MED12: variants seen among roughly 807,000 people sequenced by gnomAD.
The protein encoded by MED12 is mediator complex subunit 12.
A neutral mutation model predicts 177.7 loss-of-function variants in MED12; 10 were observed. The observed-to-expected ratio is 0.06, with a 90% CI of 0.03 to 0.10. The LOEUF (loss-of-function observed/expected upper bound fraction) is 0.10. Ranked by LOEUF, MED12 falls within the 10% of genes least tolerant of loss-of-function variation. The probability of loss-of-function intolerance (pLI) is 1.00; values close to 1 mark genes in which losing one functional copy is unlikely to be tolerated. For synonymous variants in MED12, 641 were observed against 678.4 expected, an observed-to-expected ratio of 0.94 and a Z score of 0.86; for missense variants, 867 against 1,780.8, an observed-to-expected ratio of 0.49 and a Z score of 9.23.
chrX:71,140,816 CAGT>C lies in MED12; in HGVS notation c.6228_6230del (p.Gln2076_Tyr2077delinsHis). ...ACAGCAACAGCAGCAGCAGCAGCAG[CAGT>C]ACCACATCCGGCAGCAGCAGCAGCA... On this transcript the variant is annotated inframe_deletion, in exon 42 of 45. Transcript: ENST00000374080. The C allele has an allele frequency of 8.3e-7, 1 of 1,205,572 alleles. No individual in the cohort carries two copies.
In MED12 at chrX:71,141,023, G is replaced by A. The variant is rs1247198443; in HGVS notation, c.6267+166G>A. 1.8e-5 allele frequency among the ~76,000 whole-genome samples: 2 copies of A among 109,787 alleles called. No homozygotes were observed. The highest frequency in any genetic ancestry group is 5.7e-4 in the East Asian group (2 of 3,489). On this transcript the variant is annotated intron_variant, in intron 42 of 44. Coordinates refer to ENST00000374080, the MANE Select transcript of MED12 (RefSeq NM_005120.3). ...GAAGTTTTCTACCCTCCCCCTTTTT[G>A]TTTTCTGGGGATCATAGTGGGAGAG...
At position 71,127,487 on chromosome X, in the gene MED12, AGG is replaced by A; in HGVS notation, c.2981+23_2981+24del. ...CTTCAGGTAAGAGAGGTGGAAGGTA[AGG>A]GGTAGCGAGTGGGACCTACTCCCTT... On this transcript the variant is annotated intron_variant, in intron 21 of 44. Coordinates refer to ENST00000374080, the MANE Select transcript of MED12 (RefSeq NM_005120.3). 8.4e-7 allele frequency: 1 copy of A among 1,194,297 alleles called. No individual in the cohort carries two copies. The highest frequency in any genetic ancestry group is 1.8e-5 in the South Asian group (1 of 56,682).
At chrX:71,131,886 G>A (rs1426446552) in intron 29 of MED12, among the ~76,000 whole-genome samples, 187 bp from the exon 30 acceptor site, 2 of 111,397 alleles carry the variant, frequency 1.8e-5, no homozygotes, top group Non-Finnish European at 3.8e-5. Flanking sequence ...TAAAGGAGAA[G>A]ACAGTGAGGA....
At chrX:71,124,030 C>T (rs2092296460) in intron 12 of MED12, 129 bp from the exon 13 acceptor site, 1 of 602,123 alleles carries the variant, frequency 1.7e-6, no homozygotes, top group East Asian at 3.5e-5. Flanking sequence ...ACCAACCACA[C>T]TTTGTCCCTC....
At chrX:71,125,325 A>T (rs762507137) in intron 15 of MED12, 26 bp from the exon 16 acceptor site, 6 of 1,207,905 alleles carry the variant, frequency 5.0e-6, no homozygotes, top group Non-Finnish European at 6.7e-6. Context: ...TCGGTGCTGG[A>T]GTCTGATGGT....
Position 71,124,759 on chromosome X carries a change from C to T in MED12, c.1975-5C>T, listed in dbSNP as rs200891932. On this transcript the variant is annotated splice_region_variant and splice_polypyrimidine_tract_variant and intron_variant, in intron 13 of 44. Transcript: ENST00000374080. ...AGCAACTTCGCTTATGTTCTATGCC[C>T]TCAGGATCCAGGGCTCTCAGAATCT... 4.0e-5 allele frequency: 48 copies of T among 1,204,915 alleles called. No homozygotes were observed. The highest frequency in any genetic ancestry group is 1.5e-5 in the Non-Finnish European group (13 of 891,025).
At chrX:71,126,808 T>G (rs957715809) in intron 19 of MED12, among the ~76,000 whole-genome samples, 161 bp from the exon 20 acceptor site, 2 of 112,372 alleles carry the variant, frequency 1.8e-5, no homozygotes, top group African/African-American at 3.2e-5. Flanking sequence ...AATAGAGGTG[T>G]TGTTGATAGA....
intron 33 of MED12, among the ~76,000 whole-genome samples, chrX:71,133,581 G>C (rs763335234): frequency 3.0e-4 from 33 of 110,744 alleles, no homozygotes; most frequent in African/African-American, 1.0e-3. Context: ...TGATCCGTCT[G>C]TCTCGGCCTC....
In MED12 at chrX:71,137,959, G is replaced by C. The variant is rs367904425; in HGVS notation, c.6044+16G>C. On this transcript the variant is annotated intron_variant, in intron 41 of 44. Coordinates refer to ENST00000374080, the MANE Select transcript of MED12 (RefSeq NM_005120.3). ...CCACTCAAAGGTACCCAAAGTAGTGGTGAGCTAGGAAGAGATGCAGAGGTA... is the reference window on the plus strand; with the variant it reads ...CCACTCAAAGGTACCCAAAGTAGTGCTGAGCTAGGAAGAGATGCAGAGGTA... The C allele has an allele frequency of 1.8e-5, 21 of 1,197,733 alleles. No homozygotes were observed. Among genetic ancestry groups the C allele is most frequent in the Non-Finnish European group, 2.3e-5 (20 of 883,931 alleles).
In MED12 at chrX:71,126,024, C is replaced by T. The variant is rs1234120219; in HGVS notation, c.2423-12C>T. 6 of 1,114,891 alleles carry T rather than the reference C, an allele frequency of 5.4e-6. No individual in the cohort carries two copies. The highest frequency in any genetic ancestry group is 7.2e-6 in the Non-Finnish European group (6 of 827,694). The allele number at this position is 1,114,891 out of a possible 1,213,427, so 91.9% of individuals were successfully genotyped here. ...CCCTGTCTTGACTGGTCCCTTTCAACTGTCCCCTCAGGTGGGGAGGATGGG... is the reference window on the plus strand; with the variant it reads ...CCCTGTCTTGACTGGTCCCTTTCAATTGTCCCCTCAGGTGGGGAGGATGGG... On this transcript the variant is annotated splice_polypyrimidine_tract_variant and intron_variant, in intron 17 of 44. Transcript: ENST00000374080.
rs370204234 is a variant in MED12, at chrX:71,123,113, G to T, written c.1504G>T (p.Ala502Ser). 1 of 1,211,250 alleles carries T rather than the reference G, an allele frequency of 8.3e-7. No homozygotes were observed. The highest frequency in any genetic ancestry group is 1.1e-6 in the Non-Finnish European group (1 of 895,109). ...TCTCCAGATCTCCTCAGATGATGAT[G>T]CTGTGGTGTCATTGCTATGTGAATG... is the stretch of plus-strand genomic sequence containing the variant. The part of the protein sequence containing the change: ...DGHEISSDDD[A>S]VVSLLCEWAV... Residue 502 changes from alanine (A) to serine (S), a missense_variant, in exon 11 of 45, where the codon GCT becomes TCT. Physicochemically the swap from Ala to Ser is moderately conservative, Grantham distance 99. Around this residue, in one of 14 missense-constraint regions of MED12, gnomAD observed 309 missense variants for 556.3 expected, o/e 0.56. Transcript: ENST00000374080.
chrX:71,125,585 C>T, intron 16 of MED12, 78 bp from the exon 17 acceptor site: 19 of 1,180,342 alleles, frequency 1.6e-5, no homozygotes, highest in Non-Finnish European at 2.1e-5. Context: ...CCAGTCATGT[C>T]CCAATGTCCT....
At chrX:71,123,541 G>A (rs2147787527) in intron 11 of MED12, 53 bp from the exon 12 acceptor site, 2 of 1,198,223 alleles carry the variant, frequency 1.7e-6, no homozygotes, top group Non-Finnish European at 2.3e-6. Flanking sequence ...ACACATTGAG[G>A]AGTGAAGAAG....
At chrX:71,134,692 C>T (rs1569482143) in intron 34 of MED12, 21 bp from the exon 35 acceptor site, 1 of 1,210,843 alleles carries the variant, frequency 8.3e-7, no homozygotes, top group Non-Finnish European at 1.1e-6. Context: ...CTTTGGTTTT[C>T]TCTCTGGCTT....
rs2147813240 is a variant in MED12, at chrX:71,132,066, T to C, written c.4120-7T>C. 8.3e-7 allele frequency: 1 copy of C among 1,208,814 alleles called. No homozygotes were observed. Among genetic ancestry groups the C allele is most frequent in the African/African-American group, 1.7e-5 (1 of 57,574 alleles). On this transcript the variant is annotated splice_polypyrimidine_tract_variant and splice_region_variant and intron_variant, in intron 29 of 44. Transcript: ENST00000374080. ...TTTAGCACTTCTGTGCCTTTCATCC[T>C]CCCCAGGAGATGAACTCCCTCTTGG...
At chrX:71,133,033 A>C in intron 32 of MED12, 77 bp downstream of exon 32, 1 of 1,031,809 alleles carries the variant, frequency 9.7e-7, no homozygotes, top group Non-Finnish European at 1.4e-6. Context: ...GTACTTGGAA[A>C]CTTCAGTACT....
Position 71,119,309 on chromosome X carries a change from A to G in MED12, c.100-64A>G, listed in dbSNP as rs73634861. 4.2e-3 allele frequency: 3,336 copies of G among 793,165 alleles called. 91 individuals are homozygous for G. In the African/African-American group the frequency reaches 0.063, roughly 15 times the overall value. The allele number at this position is 793,165 out of a possible 1,213,427, so 65.4% of individuals were successfully genotyped here. On this transcript the variant is annotated intron_variant, in intron 1 of 44. Transcript: ENST00000374080. Reference sequence around the variant, plus strand: ...CTTGTTCCTTCTTTTCTCCTGCCCTACTCTCCCACCCCTTCCCCCTTCCCC... The same window carrying G: ...CTTGTTCCTTCTTTTCTCCTGCCCTGCTCTCCCACCCCTTCCCCCTTCCCC...
At chrX:71,125,746 T>G (rs1480140276) in intron 17 of MED12, 33 bp downstream of exon 17, 4 of 1,096,833 alleles carry the variant, frequency 3.6e-6, no homozygotes, top group Non-Finnish European at 5.0e-6. Context: ...CTGCCCTCCC[T>G]CCCTCTCCCT....
In MED12 at chrX:71,119,835, T is replaced by G. The variant is rs1185914808; in HGVS notation, c.354T>G (p.Thr118=). The change falls in exon 3 of 45, where the codon ACT becomes ACG. Residue 118 remains threonine (T), a synonymous_variant. Transcript: ENST00000374080. ...RSQSAINTWF[T]DLAGTKPLTQ... ...AGAGTGCCATTAACACTTGGTTCAC[T>G]GACTTGGCTGGCACCAAGCCACTCA... 1 of 1,211,507 alleles carries G rather than the reference T, an allele frequency of 8.3e-7. No homozygotes were observed.
Sources: gnomAD v4.1 joint callset for allele counts (sites outside exome capture counted in the v4.1 genomes callset) on GRCh38, gnomAD v4.1.1 for gene constraint, gnomAD v4.1.1 regional missense constraint, MANE v1.5 for transcripts, NCBI Gene and HGNC (gene_info 2026-07-23, HGNC 2026-07-21) for gene names.